NIPBL: variants seen among roughly 807,000 people sequenced by gnomAD.
The protein encoded by NIPBL is NIPBL cohesin loading factor.
In NIPBL, 19 loss-of-function variants were observed where a neutral mutation model predicts 321.8. The ratio of observed to expected loss-of-function variants is 0.06; its 90% confidence interval spans 0.04 to 0.09. The LOEUF (loss-of-function observed/expected upper bound fraction) is 0.09. NIPBL is among the 10% of genes least tolerant of loss of function. The pLI is 1.00. For missense variants in NIPBL, 2,210 were observed against 3,327.0 expected (o/e 0.66, Z 8.26); for synonymous variants, 1,106 against 1,114.1 (o/e 0.99, Z 0.14).
rs987824978 is a variant in NIPBL at position 36,979,466 on chromosome 5, C to G, written c.1495+3064C>G. 8.6e-5 allele frequency among the ~76,000 whole-genome samples: 13 copies of G among 151,772 alleles called. 1 individual carries two copies. Among genetic ancestry groups the G allele is most frequent in the African/African-American group, 2.2e-4 (9 of 41,488 alleles). ...TATCCTAAAGCTTTATTGAAGTTAT[C>G]AGGTCTATGAATCTTTTGGAGGAAT... On this transcript the variant is annotated intron_variant, in intron 9 of 46. Coordinates refer to ENST00000282516, the MANE Select transcript of NIPBL (RefSeq NM_133433.4).
intron 16 of NIPBL, among the ~76,000 whole-genome samples, chr5:37,005,776 G>A (rs529371187): frequency 1.1e-3 from 171 of 152,178 alleles, no homozygotes; most frequent in Middle Eastern, 3.4e-3. Context: ...TCAAGTTGCT[G>A]ATGTGTAAAT....
At chr5:36,942,779 A>G (rs915885695) in intron 1 of NIPBL, among the ~76,000 whole-genome samples, 1 of 151,462 alleles carries the variant, frequency 6.6e-6, no homozygotes, top group African/African-American at 2.4e-5. Context: ...CTATTCCAGT[A>G]TCTTTTTTCA....
chr5:37,024,329 G>T (rs112634964), intron 29 of NIPBL, among the ~76,000 whole-genome samples: 19 of 152,100 alleles, frequency 1.2e-4, no homozygotes, highest in African/African-American at 4.1e-4. Context: ...TTTGACAAGC[G>T]TATACTTCTA....
In NIPBL at chr5:37,052,413, A is replaced by G; in HGVS notation, c.7110A>G (p.Ala2370=). Residue 2370 remains alanine (A), a synonymous_variant, in exon 42 of 47, where the codon GCA becomes GCG. Transcript: ENST00000282516. Reference sequence around the variant, plus strand: ...AGATGTCTTACCAGGTACAACAGGCAATCAACACATGCCTAAAAGATCCTG... The same window carrying G: ...AGATGTCTTACCAGGTACAACAGGCGATCAACACATGCCTAAAAGATCCTG... ...GMKMSYQVQQ[A]INTCLKDPVR... is the part of the protein sequence containing the mutation. 6.2e-7 allele frequency: 1 copy of G among 1,614,174 alleles called. No individual in the cohort carries two copies. The highest frequency in any genetic ancestry group is 1.3e-5 in the African/African-American group (1 of 75,040).
intron 1 of NIPBL, among the ~76,000 whole-genome samples, chr5:36,948,597 G>T (rs1320865965): frequency 6.6e-6 from 1 of 151,718 alleles, no homozygotes; most frequent in Non-Finnish European, 1.5e-5. Context: ...GAAAATAAGG[G>T]GTTTGTGCTT....
intron 1 of NIPBL, among the ~76,000 whole-genome samples, chr5:36,944,662 C>G (rs1176446062): frequency 6.6e-6 from 1 of 151,978 alleles, no homozygotes; most frequent in African/African-American, 2.4e-5. Flanking sequence ...AAAAACCACA[C>G]ACTTCAGGAT....
chr5:36,936,701 A>C (rs961450601), intron 1 of NIPBL, among the ~76,000 whole-genome samples: 4 of 152,072 alleles, frequency 2.6e-5, no homozygotes, highest in Non-Finnish European at 4.4e-5. Flanking sequence ...GACTACTTTC[A>C]AGTTTATCTT....
intron 32 of NIPBL, among the ~76,000 whole-genome samples, chr5:37,034,424 C>T (rs549627398): frequency 1.2e-4 from 18 of 152,186 alleles, no homozygotes; most frequent in African/African-American, 4.3e-4. Context: ...TGCATATTTG[C>T]ATCAGGAGGC....
At chr5:36,903,445 C>T (rs899282162) in intron 1 of NIPBL, among the ~76,000 whole-genome samples, 8 of 152,062 alleles carry the variant, frequency 5.3e-5, no homozygotes, top group African/African-American at 1.9e-4. Flanking sequence ...TCTTTTTAAA[C>T]TTTAATATAT....
chr5:36,942,683 A>G (rs368413109), intron 1 of NIPBL, among the ~76,000 whole-genome samples: 42 of 149,596 alleles, frequency 2.8e-4, no homozygotes, highest in African/African-American at 9.8e-4. Context: ...AGAGGCTGTA[A>G]TGAGCCGAGA....
intron 1 of NIPBL, chr5:36,886,104 A>T (rs1745886729): frequency 1.5e-6 from 1 of 677,116 alleles, no homozygotes; most frequent in African/African-American, 1.7e-5. Context: ...GAGCTGAGAC[A>T]TACGGTCCAG....
At chr5:36,956,714 T>A (rs1352246748) in intron 3 of NIPBL, among the ~76,000 whole-genome samples, 2 of 133,720 alleles carry the variant, frequency 1.5e-5, no homozygotes, top group Admixed American at 1.7e-4. Flanking sequence ...AACCTCCACC[T>A]CCTGGGTTCA....
At chr5:36,886,646 A>T in intron 1 of NIPBL, 1 of 479,220 alleles carries the variant, frequency 2.1e-6, no homozygotes, top group South Asian at 2.4e-5. Context: ...TAATTTATAC[A>T]GTAAAACTCA....
intron 45 of NIPBL, among the ~76,000 whole-genome samples, 158 bp from the exon 46 acceptor site, chr5:37,063,632 T>G (rs1038354507): frequency 3.3e-5 from 5 of 152,246 alleles, no homozygotes; most frequent in Non-Finnish European, 7.3e-5. Context: ...ATTTACCACC[T>G]GGCTGTTTAC....
intron 40 of NIPBL, 23 bp from the exon 41 acceptor site, chr5:37,051,756 G>T: frequency 6.7e-7 from 1 of 1,503,048 alleles, no homozygotes; most frequent in Non-Finnish European, 9.3e-7. Context: ...ATGATATCTC[G>T]TAATTTTTTT....
At chr5:36,984,221 G>T (rs911169907) in intron 9 of NIPBL, among the ~76,000 whole-genome samples, 1 of 151,300 alleles carries the variant, frequency 6.6e-6, no homozygotes, top group African/African-American at 2.4e-5. Context: ...TATATTTCCT[G>T]TTTGGTATAT....
At position 37,008,730 on chromosome 5, in the gene NIPBL, A is replaced by C. The variant is rs76297333; in HGVS notation, c.4421+7A>C. 7.0e-7 allele frequency: 1 copy of C among 1,431,532 alleles called. No homozygotes were observed. The allele number at this position is 1,431,532 out of a possible 1,614,324, so 88.7% of individuals were successfully genotyped here. A position where few individuals can be genotyped will look rare whatever the true frequency, so the allele number is the denominator to read the frequency against. Reference sequence around the variant, plus strand: ...GGAGTTTAAGGAACTTCAGGTAATTAATTATAACAGAGGTCAAGTTTAATG... The same window carrying C: ...GGAGTTTAAGGAACTTCAGGTAATTCATTATAACAGAGGTCAAGTTTAATG... On this transcript the variant is annotated splice_region_variant and intron_variant, in intron 20 of 46. Transcript: ENST00000282516.
At chr5:37,032,708 T>C (rs980475150) in intron 32 of NIPBL, among the ~76,000 whole-genome samples, 1 of 152,136 alleles carries the variant, frequency 6.6e-6, no homozygotes, top group Non-Finnish European at 1.5e-5. Flanking sequence ...CCAGGAGTTT[T>C]AGGCTGCAGT....
chr5:36,994,075 A>G (rs1177693185), intron 10 of NIPBL, among the ~76,000 whole-genome samples: 1 of 152,194 alleles, frequency 6.6e-6, no homozygotes, highest in African/African-American at 2.4e-5. Context: ...AAAATATGCA[A>G]TGCAAAGCTA....
Sources: gnomAD v4.1 joint callset for allele counts (sites outside exome capture counted in the v4.1 genomes callset) on GRCh38, gnomAD v4.1.1 for gene constraint, MANE v1.5 for transcripts, NCBI Gene and HGNC (gene_info 2026-07-23, HGNC 2026-07-21) for gene names.